The following CACNG5 variants were observed in gnomAD, a reference collection of about 807,000 sequenced individuals.
CACNG5 encodes the protein voltage-dependent calcium channel gamma-5 subunit.
CACNG5 carries 18 observed loss-of-function variants against 24.8 expected under a neutral mutation model. The ratio of observed to expected loss-of-function variants is 0.73; its 90% CI spans 0.50 to 1.08. CACNG5 has a LOEUF of 1.08. CACNG5 is among the 50% of genes least tolerant of loss of function. CACNG5 has a pLI of 0.00. For missense variants in CACNG5, 349 were observed against 367.9 expected (o/e 0.95, Z 0.42); for synonymous variants, 157 against 149.1 (o/e 1.05, Z -0.39).
intron 1 of CACNG5, among the ~76,000 whole-genome samples, chr17:66,846,875 G>A (rs1026185374): frequency 5.9e-5 from 9 of 152,142 alleles, no homozygotes; most frequent in Admixed American, 3.9e-4. Context: ...ATCACTTTAC[G>A]CTCCCACCTG....
intron 1 of CACNG5, among the ~76,000 whole-genome samples, chr17:66,870,676 C>A (rs1275475390): frequency 6.6e-6 from 1 of 152,076 alleles, no homozygotes; most frequent in Non-Finnish European, 1.5e-5. Flanking sequence ...CTCTTGTGAC[C>A]CAGCCTCAGA....
chr17:66,884,263 C>T (rs900708475), intron 4 of CACNG5, among the ~76,000 whole-genome samples: 2 of 152,330 alleles, frequency 1.3e-5, no homozygotes, highest in Non-Finnish European at 1.5e-5. Flanking sequence ...TGAGAACCAC[C>T]GGGCTTAGCC....
chr17:66,885,239 G>C lies in CACNG5; in HGVS notation c.827G>C (p.Ter276SerextTer24). 1.9e-6 allele frequency: 3 copies of C among 1,576,060 alleles called. No individual in the cohort carries two copies. The highest frequency in any genetic ancestry group is 2.6e-6 in the Non-Finnish European group (3 of 1,166,548). ...DYDQMSSSPC[*>S] ...GATCAGATGTCCTCTTCACCCTGCT[G>C]AGCCTCGGCCGCCCCCATCCCTGGA... is the stretch of plus-strand genomic sequence containing the variant. Residue 276 changes from the stop codon to serine, a stop_lost, in exon 6 of 6, where the codon TGA becomes TCA. Coordinates refer to ENST00000533854, the MANE Select transcript of CACNG5 (RefSeq NM_145811.3).
rs760511724 is a variant in CACNG5 at position 66,884,598 on chromosome 17, C to G, written c.507C>G (p.Thr169=). 5.1e-5 allele frequency: 83 copies of G among 1,614,074 alleles called. No homozygotes were observed. The highest frequency in any genetic ancestry group is 6.7e-5 in the Non-Finnish European group (79 of 1,180,034). ...EMLNRTKDAE[T]YFNYKYGWSF... ...TCAACAGGACCAAGGATGCAGAGAC[C>G]TACTTCAACTACAAGTATGGGTGGT... The change falls in exon 5 of 6, where the codon ACC becomes ACG. Residue 169 remains threonine (T), a synonymous_variant. Coordinates refer to ENST00000533854, the MANE Select transcript of CACNG5 (RefSeq NM_145811.3).
intron 5 of CACNG5, 22 bp downstream of exon 5, chr17:66,884,683 A>G: frequency 6.2e-7 from 1 of 1,614,190 alleles, no homozygotes; most frequent in Non-Finnish European, 8.5e-7. Flanking sequence ...CACCCTAAGT[A>G]TGGATAGGCT....
At position 66,879,024 on chromosome 17, in the gene CACNG5, C is replaced by T. The variant is rs1977122864; in HGVS notation, c.249C>T (p.Thr83=). The change falls in exon 3 of 6, where the codon ACC becomes ACT. Residue 83 remains threonine (T), a synonymous_variant. Transcript: ENST00000533854. ...TAGAATATGTGATGCCCATGAACAC[C>T]CAGCTGACATCCGAGTCCACGGTCA... ...FTIEYVMPMN[T]QLTSESTVNV... The T allele has an allele frequency of 6.2e-7, 1 of 1,613,912 alleles. No individual in the cohort carries two copies. The highest frequency in any genetic ancestry group is 1.3e-5 in the African/African-American group (1 of 75,018).
intron 3 of CACNG5, among the ~76,000 whole-genome samples, chr17:66,879,394 C>T (rs1977127743): frequency 1.3e-5 from 2 of 152,068 alleles, no homozygotes; most frequent in South Asian, 4.2e-4. Flanking sequence ...ATGCTAATCA[C>T]CTGGAGTTAA....
At chr17:66,837,067 C>T (rs1976490563) in intron 1 of CACNG5, among the ~76,000 whole-genome samples, 1 of 152,220 alleles carries the variant, frequency 6.6e-6, no homozygotes, top group South Asian at 2.1e-4. Flanking sequence ...GGCTCAGCCT[C>T]CTCACCTGTA....
chr17:66,838,801 C>T (rs1427887274), intron 1 of CACNG5, among the ~76,000 whole-genome samples: 1 of 151,918 alleles, frequency 6.6e-6, no homozygotes, highest in African/African-American at 2.4e-5. Flanking sequence ...GGCTGCTGTT[C>T]TAAGTAATGG....
intron 1 of CACNG5, among the ~76,000 whole-genome samples, chr17:66,858,013 G>A (rs78110585): frequency 0.028 from 4,232 of 152,272 alleles, 210 homozygotes; most frequent in East Asian, 0.13. Context: ...GTCTGGGCAT[G>A]GGCTCCTGGG....
At chr17:66,843,739 G>T (rs1457003102) in intron 1 of CACNG5, among the ~76,000 whole-genome samples, 1 of 152,160 alleles carries the variant, frequency 6.6e-6, no homozygotes, top group Non-Finnish European at 1.5e-5. Flanking sequence ...AGCTGGCATA[G>T]TAGTGAAGGT....
chr17:66,840,795 C>T (rs1258578080), intron 1 of CACNG5, among the ~76,000 whole-genome samples: 2 of 152,174 alleles, frequency 1.3e-5, no homozygotes, highest in Non-Finnish European at 2.9e-5. Flanking sequence ...AGGAAGTTTC[C>T]TGGGACTGTC....
rs982498687 is a variant in CACNG5, at chr17:66,891,373, G to T, written c.*6133G>T. 2.0e-5 allele frequency among the ~76,000 whole-genome samples: 3 copies of T among 152,176 alleles called. No individual in the cohort carries two copies. Among genetic ancestry groups the T allele is most frequent in the African/African-American group, 7.2e-5 (3 of 41,444 alleles). On this transcript the variant is annotated 3_prime_UTR_variant, in exon 6 of 6. Coordinates refer to ENST00000533854, the MANE Select transcript of CACNG5 (RefSeq NM_145811.3). ...ATGATTATTTCTGACAGCTTTAGGG[G>T]TTGGCTGGGCTCAGCAAGGCAGTTC...
In CACNG5 at chr17:66,893,285, G is replaced by A. The variant is rs970026080; in HGVS notation, c.*8045G>A. Among the ~76,000 whole-genome samples the A allele has an allele frequency of 3.9e-5, 6 of 152,100 alleles. No individual in the cohort carries two copies. The highest frequency in any genetic ancestry group is 1.4e-4 in the African/African-American group (6 of 41,410). Reference sequence around the variant, plus strand: ...CCAGGTTCCCATCCAAAGATAAATGGGGGAAGGAAAGGTCTAAATGCAAAC... The same window carrying A: ...CCAGGTTCCCATCCAAAGATAAATGAGGGAAGGAAAGGTCTAAATGCAAAC... On this transcript the variant is annotated 3_prime_UTR_variant, in exon 6 of 6. Transcript: ENST00000533854.
chr17:66,882,849 C>A (rs1040816041), intron 4 of CACNG5, among the ~76,000 whole-genome samples: 1 of 152,046 alleles, frequency 6.6e-6, no homozygotes, highest in Non-Finnish European at 1.5e-5. Flanking sequence ...TTTTAGGATC[C>A]TTTTCCCAAT....
chr17:66,839,310 C>G (rs1417044828), intron 1 of CACNG5, among the ~76,000 whole-genome samples: 2 of 152,014 alleles, frequency 1.3e-5, no homozygotes, highest in African/African-American at 4.8e-5. Context: ...TGCCAAAAAT[C>G]CCCTGGGAGG....
intron 4 of CACNG5, among the ~76,000 whole-genome samples, chr17:66,881,211 G>T (rs1977154342): frequency 1.3e-5 from 2 of 152,186 alleles, no homozygotes; most frequent in Non-Finnish European, 2.9e-5. Flanking sequence ...CACAGGAGGG[G>T]TGACTGCACA....
At chr17:66,860,574 G>A (rs1976839985) in intron 1 of CACNG5, among the ~76,000 whole-genome samples, 1 of 148,364 alleles carries the variant, frequency 6.7e-6, no homozygotes, top group Admixed American at 6.8e-5. Flanking sequence ...AAGATGGAAT[G>A]AAAATACCCC....
At position 66,854,374 on chromosome 17, in the gene CACNG5, C is replaced by T. The variant is rs373504643; in HGVS notation, c.-104+19124C>T. On this transcript the variant is annotated intron_variant, in intron 1 of 5. Transcript: ENST00000533854. ...ACCTGGGAGGCAGAGTGCAGTGAGC[C>T]GAGATCGCGCCACTGCACTCCAGCC... Among the ~76,000 whole-genome samples, 232 of 149,588 alleles carry T rather than the reference C, an allele frequency of 1.6e-3. 1 individual carries two copies. Among genetic ancestry groups the T allele is most frequent in the African/African-American group, 5.5e-3 (221 of 40,374 alleles).
Sources: gnomAD v4.1 joint callset for allele counts (sites outside exome capture counted in the v4.1 genomes callset) on GRCh38, gnomAD v4.1.1 for gene constraint, MANE v1.5 for transcripts, NCBI Gene and HGNC (gene_info 2026-07-23, HGNC 2026-07-21) for gene names.